The following ECM2 variants were observed in gnomAD, a reference collection of about 807,000 sequenced individuals.
ECM2 encodes the protein extracellular matrix protein 2, female organ and adipocyte specific.
In ECM2, 57 loss-of-function variants were observed where a neutral mutation model predicts 67.5. The observed-to-expected ratio is 0.84, with a 90% CI of 0.68 to 1.05. The LOEUF (loss-of-function observed/expected upper bound fraction) is 1.05. ECM2 is among the 50% of genes least tolerant of loss of function. The pLI is 0.00. For synonymous variants in ECM2, 258 were observed against 294.5 expected (o/e 0.88, Z 1.27); for missense variants, 741 against 822.8 (o/e 0.90, Z 1.22).
At chr9:92,517,036 C>A (rs1847769748) in intron 3 of ECM2, 1 of 152,312 alleles carries the variant, frequency 6.6e-6, no homozygotes, top group Non-Finnish European at 1.5e-5. Flanking sequence ...GGCCTCCCTC[C>A]CAAGGGTCCT....
At chr9:92,551,769 G>A in the ECM2 span, among the ~76,000 whole-genome samples, 5 of 151,352 alleles carry the variant, frequency 3.3e-5, no homozygotes, top group Non-Finnish European at 7.4e-5. Flanking sequence ...GAGAACATTC[G>A]ATGTTTGGTT....
chr9:92,549,210 C>T, the ECM2 span, among the ~76,000 whole-genome samples: 23 of 152,232 alleles, frequency 1.5e-4, no homozygotes, highest in South Asian at 4.6e-3. Flanking sequence ...GCTCCAGAGA[C>T]CAGAACTAGA....
chr9:92,516,310 G>A (rs1451052801), intron 3 of ECM2, among the ~76,000 whole-genome samples: 14 of 152,174 alleles, frequency 9.2e-5, no homozygotes, highest in Admixed American at 2.6e-4. Flanking sequence ...TGATCCTCCC[G>A]CCTCAGCCTC....
In ECM2 at chr9:92,502,567, C is replaced by G; in HGVS notation, c.1550G>C (p.Arg517Pro). 2 of 1,612,292 alleles carry G rather than the reference C, an allele frequency of 1.2e-6. No individual in the cohort carries two copies. Among genetic ancestry groups the G allele is most frequent in the Non-Finnish European group, 8.5e-7 (1 of 1,179,014 alleles). Residue 517 changes from arginine (R) to proline (P), a missense_variant, in exon 8 of 10, where the codon CGT becomes CCT. Physicochemically the swap from Arg to Pro is moderately radical, Grantham distance 103. Coordinates refer to ENST00000344604, the MANE Select transcript of ECM2 (RefSeq NM_001393.4). ...HTRKINVIVLRYNKIEENRIA... is the reference protein window; with the variant it reads ...HTRKINVIVLPYNKIEENRIA... ...CCTATTTTCTTCAATTTTGTTATAA[C>G]GTAGTACAATGACATTGATCTTTCT... is the stretch of plus-strand genomic sequence containing the variant.
upstream of ECM2, chr9:92,539,213 T>TA (rs1287261263): frequency 1.3e-5 from 2 of 152,136 alleles, no homozygotes; most frequent in African/African-American, 4.8e-5. Flanking sequence ...AATGGCTGAG[T>TA]AAAGCATTAG....
the ECM2 span, among the ~76,000 whole-genome samples, chr9:92,550,853 C>T: frequency 1.3e-5 from 2 of 152,230 alleles, no homozygotes; most frequent in Admixed American, 6.5e-5. Context: ...AACATGGTGG[C>T]TCAGGAAGGA....
chr9:92,557,862 C>T, the ECM2 span, among the ~76,000 whole-genome samples: 1 of 152,132 alleles, frequency 6.6e-6, no homozygotes, highest in South Asian at 2.1e-4. Context: ...CCAGGATGGT[C>T]TCGATCTCCT....
rs1160289817 is a variant in ECM2, at chr9:92,495,473, T to G, written c.*842A>C. 2 of 984,428 alleles carry G rather than the reference T, an allele frequency of 2.0e-6. No homozygotes were observed. The highest frequency in any genetic ancestry group is 2.4e-6 in the Non-Finnish European group (2 of 829,130). 61.0% of individuals were successfully genotyped at this position (984,428 alleles called of 1,614,324 possible). A position where few individuals can be genotyped will look rare whatever the true frequency, so the allele number is the denominator to read the frequency against. On this transcript the variant is annotated 3_prime_UTR_variant, in exon 10 of 10. Transcript: ENST00000344604. ...TGGTGCAAAATTTTTCAAAAATTTA[T>G]ACATTAGATTTACCTTTACAAGGTT...
chr9:92,532,996 T>C (rs331373), intron 1 of ECM2, among the ~76,000 whole-genome samples: 152,092 of 152,096 alleles, frequency 1, 76,044 homozygotes, highest in Middle Eastern at 1. Context: ...TTCACCATAT[T>C]GAATTAATAA....
upstream of ECM2, among the ~76,000 whole-genome samples, chr9:92,537,191 G>A (rs1047473991): frequency 3.4e-4 from 51 of 151,688 alleles, no homozygotes; most frequent in Admixed American, 1.3e-3. Flanking sequence ...TTCTTATATC[G>A]TTATTTCAGG....
intron 1 of ECM2, among the ~76,000 whole-genome samples, chr9:92,529,906 C>T (rs1279954777): frequency 6.6e-6 from 1 of 152,186 alleles, no homozygotes. Flanking sequence ...TGGATTCAAC[C>T]AACCATGAGC....
chr9:92,532,012 A>ATTT (rs1491374173), intron 1 of ECM2, among the ~76,000 whole-genome samples: 1 of 78,540 alleles, frequency 1.3e-5, no homozygotes, highest in African/African-American at 8.8e-5. Flanking sequence ...TTTTTTATTT[A>ATTT]ATGTTTTTTT....
chr9:92,546,337 C>A, the ECM2 span, among the ~76,000 whole-genome samples: 1 of 152,200 alleles, frequency 6.6e-6, no homozygotes, highest in African/African-American at 2.4e-5. Flanking sequence ...CAGAGGTCCC[C>A]TTCCACTGTG....
chr9:92,558,978 C>T, the ECM2 span, among the ~76,000 whole-genome samples: 1 of 152,032 alleles, frequency 6.6e-6, no homozygotes, highest in Non-Finnish European at 1.5e-5. Context: ...GGCAGTTCCC[C>T]CGCCACCCAA....
At chr9:92,516,997 G>A (rs559897658) in intron 3 of ECM2, 1 of 152,128 alleles carries the variant, frequency 6.6e-6, no homozygotes, top group African/African-American at 2.4e-5. Flanking sequence ...TTCATAAGGT[G>A]TTGGTTAGGC....
chr9:92,496,940 C>CA (rs34069793), intron 9 of ECM2, among the ~76,000 whole-genome samples: 12,348 of 112,120 alleles, frequency 0.11, 536 homozygotes, highest in South Asian at 0.14. Context: ...ATAAGGTTTG[C>CA]AAAAAAAAAA....
At chr9:92,510,449 A>G (rs1427957439) in intron 5 of ECM2, among the ~76,000 whole-genome samples, 1 of 152,268 alleles carries the variant, frequency 6.6e-6, no homozygotes, top group Non-Finnish European at 1.5e-5. Context: ...TCAATCCTTT[A>G]AACATACTTG....
the ECM2 span, among the ~76,000 whole-genome samples, chr9:92,551,918 T>G: frequency 3.2e-5 from 2 of 61,722 alleles, no homozygotes; most frequent in Non-Finnish European, 6.1e-5. Context: ...ATATATATGG[T>G]GTGTGTGTAT....
chr9:92,552,125 G>T, the ECM2 span, among the ~76,000 whole-genome samples: 1 of 140,908 alleles, frequency 7.1e-6, no homozygotes, highest in South Asian at 2.2e-4. Context: ...TGATATGATA[G>T]ATCTATCATA....
Sources: gnomAD v4.1 joint callset for allele counts (sites outside exome capture counted in the v4.1 genomes callset) on GRCh38, gnomAD v4.1.1 for gene constraint, MANE v1.5 for transcripts, NCBI Gene and HGNC (gene_info 2026-07-23, HGNC 2026-07-21) for gene names.